The following CASK variants were observed in gnomAD, a reference collection of about 807,000 sequenced individuals.
CASK encodes calcium/calmodulin dependent serine protein kinase.
Under a neutral mutation model 82.9 loss-of-function variants are expected in CASK, and 4 were observed. The observed-to-expected ratio is 0.05, with a 90% CI of 0.02 to 0.11. The LOEUF is 0.11. Among genes scored for constraint, CASK ranks in the 10% least tolerant of loss-of-function variants. CASK has a pLI of 1.00. For synonymous variants in CASK, 259 were observed against 253.5 expected, an observed-to-expected ratio of 1.02 and a Z score of -0.20; for missense variants, 358 against 720.9, an observed-to-expected ratio of 0.50 and a Z score of 5.76.
intron 5 of CASK, among the ~76,000 whole-genome samples, chrX:41,682,055 TAAAAA>T (rs35914567): frequency 4.4e-5 from 3 of 67,807 alleles, no homozygotes; most frequent in South Asian, 7.4e-4. Flanking sequence ...AGGACCATTG[TAAAAA>T]AAAAAAAAAA....
intron 1 of CASK, among the ~76,000 whole-genome samples, chrX:41,870,241 G>C (rs1490296119): frequency 8.9e-6 from 1 of 111,738 alleles, no homozygotes; most frequent in East Asian, 2.8e-4. Flanking sequence ...AATAACCAGA[G>C]GTAATAAAAG....
chrX:41,568,298 T>C (rs1481989892), intron 16 of CASK, among the ~76,000 whole-genome samples: 2 of 108,132 alleles, frequency 1.8e-5, no homozygotes, highest in South Asian at 4.0e-4. Flanking sequence ...TTACTGAACA[T>C]ATAAAAATTA....
chrX:41,723,704 G>C (rs1341001815), intron 5 of CASK, among the ~76,000 whole-genome samples: 4 of 111,910 alleles, frequency 3.6e-5, no homozygotes, highest in African/African-American at 1.3e-4. Flanking sequence ...TTAAAACAAA[G>C]GGTCTCAGTC....
At chrX:41,854,049 C>T (rs930478576) in intron 1 of CASK, among the ~76,000 whole-genome samples, 6 of 111,502 alleles carry the variant, frequency 5.4e-5, no homozygotes, top group Admixed American at 3.8e-4. Flanking sequence ...CCTTAATTTT[C>T]CTCAAACTTC....
intron 21 of CASK, among the ~76,000 whole-genome samples, chrX:41,551,811 T>C (rs1254467912): frequency 8.5e-5 from 8 of 93,857 alleles, no homozygotes; most frequent in Admixed American, 6.9e-4. Flanking sequence ...ACCCAGGAGG[T>C]AGAGGTTGCA....
chrX:41,790,985 T>C (rs908601194), intron 2 of CASK, among the ~76,000 whole-genome samples: 1 of 111,640 alleles, frequency 9.0e-6, no homozygotes, highest in Non-Finnish European at 1.9e-5. Context: ...AAAATATGAT[T>C]TAAAGTGGTG....
intron 2 of CASK, among the ~76,000 whole-genome samples, chrX:41,830,426 C>T (rs1186373458): frequency 9.0e-6 from 1 of 111,346 alleles, no homozygotes; most frequent in Non-Finnish European, 1.9e-5. Context: ...TCACCATCTA[C>T]TACCATAACT....
chrX:41,806,152 T>C (rs1429273588), intron 2 of CASK, among the ~76,000 whole-genome samples: 1 of 111,740 alleles, frequency 8.9e-6, no homozygotes, highest in Admixed American at 9.5e-5. Context: ...AGGTGCCAAG[T>C]TTTTAAAAGG....
intron 5 of CASK, among the ~76,000 whole-genome samples, chrX:41,723,254 G>C (rs1315710973): frequency 1.8e-5 from 2 of 111,800 alleles, no homozygotes; most frequent in Non-Finnish European, 3.8e-5. Context: ...GATGAAATTA[G>C]ATTTCTGTTC....
At chrX:41,705,843 T>C (rs932514469) in intron 5 of CASK, among the ~76,000 whole-genome samples, 51 of 111,779 alleles carry the variant, frequency 4.6e-4, no homozygotes, top group African/African-American at 1.6e-3. Context: ...CTACATTTCC[T>C]GCCTTGTCCT....
intron 2 of CASK, among the ~76,000 whole-genome samples, chrX:41,798,059 C>A (rs937916431): frequency 3.6e-5 from 4 of 111,970 alleles, no homozygotes; most frequent in Non-Finnish European, 7.5e-5. Context: ...TTATAAATTA[C>A]ACGTCCCCAA....
chrX:41,516,645 C>G lies in CASK; in HGVS notation c.*3775G>C, dbSNP rs920629084. ...GAGGCTGTGTTCAGTTCTGAGAAAA[C>G]AAGAAACACACACGAGTTTGATAAT... is the stretch of plus-strand genomic sequence containing the variant. On this transcript the variant is annotated 3_prime_UTR_variant, in exon 27 of 27. Transcript: ENST00000378163. The G allele has an allele frequency of 9.0e-6, 1 of 111,244 alleles. No homozygotes were observed. The highest frequency in any genetic ancestry group is 1.9e-5 in the Non-Finnish European group (1 of 53,108). 9.2% of individuals were successfully genotyped at this position (111,244 alleles called of 1,213,427 possible). A position where few individuals can be genotyped will look rare whatever the true frequency, so the allele number is the denominator to read the frequency against.
chrX:41,753,102 A>G (rs1176260161), intron 3 of CASK, among the ~76,000 whole-genome samples: 1 of 112,337 alleles, frequency 8.9e-6, no homozygotes, highest in Non-Finnish European at 1.9e-5. Context: ...ATTTATTGAC[A>G]TAGATGTTCA....
At chrX:41,832,314 A>T (rs2070839438) in intron 2 of CASK, among the ~76,000 whole-genome samples, 1 of 112,124 alleles carries the variant, frequency 8.9e-6, no homozygotes, top group Non-Finnish European at 1.9e-5. Context: ...AAGTGTCACA[A>T]AAGGTGACAT....
rs757577485 is a variant in CASK at position 41,664,399 on chromosome X, CAT to C, written c.708+876_708+877del. Among the ~76,000 whole-genome samples the C allele has an allele frequency of 2.2e-3, 244 of 111,850 alleles. 3 individuals carry two copies. The highest frequency in any genetic ancestry group is 7.7e-3 in the African/African-American group (237 of 30,779). On this transcript the variant is annotated intron_variant, in intron 7 of 26. Coordinates refer to ENST00000378163, the MANE Select transcript of CASK (RefSeq NM_001367721.1). ...GTTTTAGAGTCCAGTGTTACATACA[CAT>C]GTTTTTGGTTTTATGTTGTCAGTCA...
intron 3 of CASK, among the ~76,000 whole-genome samples, chrX:41,755,294 C>T (rs2068872432): frequency 8.9e-6 from 1 of 111,911 alleles, no homozygotes; most frequent in African/African-American, 3.2e-5. Flanking sequence ...CTACTGTGGA[C>T]AGTATGAGAC....
At chrX:41,662,619 C>T (rs907745582) in intron 7 of CASK, among the ~76,000 whole-genome samples, 4 of 109,394 alleles carry the variant, frequency 3.7e-5, no homozygotes, top group African/African-American at 1.0e-4. Context: ...GTGAAACCCC[C>T]GTCTCTACTA....
rs374424893 is a variant in CASK, at chrX:41,707,979, G to A, written c.429+31405C>T. 9.9e-5 allele frequency among the ~76,000 whole-genome samples: 11 copies of A among 110,822 alleles called. No individual in the cohort carries two copies. In the East Asian group the frequency reaches 2.0e-3, roughly 20 times the overall value. On this transcript the variant is annotated intron_variant, in intron 5 of 26. Transcript: ENST00000378163. ...CTAAAAATACAAAAATTAGCTGGGC[G>A]TGGTGGCGCGTGCCTGTAATCCCAG...
intron 1 of CASK, among the ~76,000 whole-genome samples, chrX:41,876,492 C>A (rs575684745): frequency 9.0e-6 from 1 of 111,467 alleles, no homozygotes; most frequent in East Asian, 2.8e-4. Flanking sequence ...TTATCTCTTT[C>A]ATTAGAAGCA....
Sources: gnomAD v4.1 joint callset for allele counts (sites outside exome capture counted in the v4.1 genomes callset) on GRCh38, gnomAD v4.1.1 for gene constraint, MANE v1.5 for transcripts, NCBI Gene and HGNC (gene_info 2026-07-23, HGNC 2026-07-21) for gene names.